EPG5: variants seen among roughly 807,000 people sequenced by gnomAD.
EPG5 encodes ectopic P granules protein 5 homolog.
Under a neutral mutation model 302.7 loss-of-function variants are expected in EPG5, and 159 were observed. That is an observed-to-expected ratio of 0.53 (90% CI 0.46 to 0.60). EPG5 has a LOEUF of 0.60. EPG5 is among the 20% of genes least tolerant of loss of function. The pLI, the probability that EPG5 is intolerant of heterozygous loss-of-function variation, is 0.00. For missense variants in EPG5, 2,896 were observed against 3,092.4 expected (o/e 0.94, Z 1.51); for synonymous variants, 1,158 against 1,136.8 (o/e 1.02, Z -0.37).
chr18:45,926,774 T>C (rs1169848123), intron 13 of EPG5, among the ~76,000 whole-genome samples: 1 of 148,262 alleles, frequency 6.7e-6, no homozygotes, highest in Non-Finnish European at 1.5e-5. Context: ...ATTGAACCAC[T>C]GCACTCCAGC....
intron 1 of EPG5, among the ~76,000 whole-genome samples, chr18:45,962,778 T>C (rs2051177166): frequency 6.6e-6 from 1 of 152,186 alleles, no homozygotes; most frequent in Non-Finnish European, 1.5e-5. Context: ...AATTATACTA[T>C]AGATGGTAAA....
the EPG5 span, among the ~76,000 whole-genome samples, chr18:45,817,392 A>G: frequency 6.6e-6 from 1 of 152,216 alleles, no homozygotes; most frequent in Admixed American, 6.5e-5. Context: ...CTTCTATATT[A>G]GTTATTTACT....
chr18:45,866,676 T>C (rs2048754487), intron 38 of EPG5, 122 bp downstream of exon 38: 1 of 765,812 alleles, frequency 1.3e-6, no homozygotes, highest in Non-Finnish European at 2.3e-6. Context: ...GAGTATATGA[T>C]AATACACATC....
chr18:45,823,552 C>A, the EPG5 span, among the ~76,000 whole-genome samples: 2 of 152,140 alleles, frequency 1.3e-5, no homozygotes, highest in African/African-American at 4.8e-5. Context: ...GTCATACTCC[C>A]GGCAACCCTC....
At chr18:45,929,274 G>A (rs558324323) in intron 12 of EPG5, among the ~76,000 whole-genome samples, 15 of 152,142 alleles carry the variant, frequency 9.9e-5, no homozygotes, top group East Asian at 1.9e-4. Flanking sequence ...AAAGTCTGTC[G>A]GTAACAATAA....
chr18:45,901,363 T>C (rs1253078909), intron 25 of EPG5, among the ~76,000 whole-genome samples, 196 bp from the exon 26 acceptor site: 1 of 152,206 alleles, frequency 6.6e-6, no homozygotes, highest in Non-Finnish European at 1.5e-5. Context: ...TTGGACTTGA[T>C]ATTAGTGTAA....
intron 39 of EPG5, among the ~76,000 whole-genome samples, chr18:45,861,772 T>C (rs1444314880): frequency 3.3e-5 from 5 of 152,230 alleles, no homozygotes; most frequent in Non-Finnish European, 7.3e-5. Flanking sequence ...TATATTTTCT[T>C]TTGCAGAATG....
In EPG5 at chr18:45,967,211, C is replaced by G. The variant is rs766375417; in HGVS notation, c.29G>C (p.Arg10Pro). ...AGTCCGGCTGGCCTTGGCCTTGGCC[C>G]GGCGCTGGGGCTTCACCGCCTCGGC... MAEAVKPQR[R>P]AKAKASRTKT... is the part of the protein sequence containing the mutation. The change falls in exon 1 of 44, where the codon CGG (arginine) becomes CCG (proline). Residue 10 changes from arginine to proline, a missense_variant. By Grantham distance (103) the Arg-to-Pro change is moderately radical. Coordinates refer to ENST00000282041, the MANE Select transcript of EPG5 (RefSeq NM_020964.3). 6.2e-7 allele frequency: 1 copy of G among 1,605,684 alleles called. No homozygotes were observed. Among genetic ancestry groups the G allele is most frequent in the Non-Finnish European group, 8.5e-7 (1 of 1,176,316 alleles).
chr18:45,967,089 G>A, intron 1 of EPG5, 88 bp downstream of exon 1: 1 of 1,311,518 alleles, frequency 7.6e-7, no homozygotes, highest in Non-Finnish European at 1.1e-6. Context: ...TCAGGGAACG[G>A]GAGTAGAATT....
chr18:45,810,704 C>G, the EPG5 span, among the ~76,000 whole-genome samples: 1 of 152,142 alleles, frequency 6.6e-6, no homozygotes, highest in Admixed American at 6.5e-5. Flanking sequence ...TCACTTGAAC[C>G]TGGGAGGCGG....
At chr18:45,807,548 C>A in the EPG5 span, among the ~76,000 whole-genome samples, 1 of 152,338 alleles carries the variant, frequency 6.6e-6, no homozygotes, top group East Asian at 1.9e-4. Context: ...CGGTTCACAT[C>A]ACAGGACTCT....
At chr18:45,926,263 A>C (rs1252817901) in intron 13 of EPG5, among the ~76,000 whole-genome samples, 2 of 152,160 alleles carry the variant, frequency 1.3e-5, no homozygotes, top group Admixed American at 1.3e-4. Flanking sequence ...GTAATTATTC[A>C]TTCTATGGCA....
intron 39 of EPG5, among the ~76,000 whole-genome samples, chr18:45,861,302 G>T (rs1039763753): frequency 6.6e-6 from 1 of 152,146 alleles, no homozygotes; most frequent in Admixed American, 6.5e-5. Flanking sequence ...ATTTCTATGG[G>T]TACAAATATT....
the EPG5 span, among the ~76,000 whole-genome samples, chr18:45,800,891 C>A: frequency 6.6e-6 from 1 of 152,158 alleles, no homozygotes; most frequent in African/African-American, 2.4e-5. Context: ...GTCTTGATAC[C>A]TGTTTGGAAG....
At chr18:45,876,714 T>TAA (rs558852298) in intron 34 of EPG5, among the ~76,000 whole-genome samples, 334 of 143,674 alleles carry the variant, frequency 2.3e-3, no homozygotes, top group African/African-American at 8.0e-3. Flanking sequence ...CTCAAAGCAT[T>TAA]AAAAAAAAAA....
the EPG5 span, chr18:45,837,880 C>T: frequency 6.5e-7 from 1 of 1,528,798 alleles, no homozygotes; most frequent in Non-Finnish European, 8.7e-7. Context: ...GCCACGGCGT[C>T]CGGCTGCACG....
intron 43 of EPG5, among the ~76,000 whole-genome samples, chr18:45,854,506 G>C (rs2048474886): frequency 6.6e-6 from 1 of 151,988 alleles, no homozygotes; most frequent in Non-Finnish European, 1.5e-5. Flanking sequence ...GTGTAATTTG[G>C]GACAAATTAC....
chr18:45,826,360 G>C, the EPG5 span, among the ~76,000 whole-genome samples: 1 of 152,150 alleles, frequency 6.6e-6, no homozygotes, highest in East Asian at 1.9e-4. Context: ...CCTGGGAACA[G>C]TGTTTCAAAA....
At chr18:45,937,233 TATACACACAC>T (rs1158309662) in intron 10 of EPG5, among the ~76,000 whole-genome samples, 2 of 76,314 alleles carry the variant, frequency 2.6e-5, no homozygotes, top group East Asian at 9.0e-4. Flanking sequence ...TATACATATA[TATACACACAC>T]ACACACACAC....
Sources: gnomAD v4.1 joint callset for allele counts (sites outside exome capture counted in the v4.1 genomes callset) on GRCh38, gnomAD v4.1.1 for gene constraint, MANE v1.5 for transcripts, NCBI Gene and HGNC (gene_info 2026-07-23, HGNC 2026-07-21) for gene names.